The following B4GALT4 variants were observed in gnomAD, a reference collection of about 807,000 sequenced individuals.
B4GALT4 encodes the protein beta-1,4-galactosyltransferase 4.
In B4GALT4, 27 loss-of-function variants were observed where a neutral mutation model predicts 37.3. That is an observed-to-expected ratio of 0.72 (90% CI 0.53 to 1.00). The LOEUF is 1.00. Ranked by LOEUF, B4GALT4 falls within the 50% of genes least tolerant of loss-of-function variation. The pLI is 0.00. For synonymous variants in B4GALT4, 148 were observed against 154.1 expected (o/e 0.96, Z 0.29); for missense variants, 372 against 413.1 (o/e 0.90, Z 0.86).
At chr3:119,228,553 C>A (rs1289155259) in intron 3 of B4GALT4, among the ~76,000 whole-genome samples, 1 of 152,222 alleles carries the variant, frequency 6.6e-6, no homozygotes, top group Non-Finnish European at 1.5e-5. Context: ...TTCCCTGACT[C>A]ATTTTTACAT....
intron 4 of B4GALT4, among the ~76,000 whole-genome samples, chr3:119,225,551 C>T (rs944985345): frequency 6.9e-6 from 1 of 144,532 alleles, no homozygotes; most frequent in African/African-American, 2.6e-5. Flanking sequence ...CATGTGCCAC[C>T]ACACCCAACT....
intron 3 of B4GALT4, among the ~76,000 whole-genome samples, chr3:119,229,170 T>C (rs907084514): frequency 6.6e-6 from 1 of 152,216 alleles, no homozygotes; most frequent in Non-Finnish European, 1.5e-5. Context: ...GAGGCTTGAA[T>C]GTGCTTGCAT....
chr3:119,219,584 G>A (rs867397346), intron 5 of B4GALT4, among the ~76,000 whole-genome samples: 2 of 152,338 alleles, frequency 1.3e-5, no homozygotes, highest in Middle Eastern at 3.4e-3. Context: ...GTACCTGAAG[G>A]CATAGGTCGA....
chr3:119,212,468 G>A lies in B4GALT4; in HGVS notation c.*81C>T. 1.4e-6 allele frequency: 2 copies of A among 1,383,456 alleles called. No homozygotes were observed. The highest frequency in any genetic ancestry group is 2.0e-6 in the Non-Finnish European group (2 of 1,014,342). 85.7% of individuals were successfully genotyped at this position (1,383,456 alleles called of 1,614,324 possible). The stretch of plus-strand genomic sequence containing the variant: ...ATGAGCTGTAACAGGTTCTTAATGT[G>A]TGCTACTATTTGAAGTCTCTAGGCC... On this transcript the variant is annotated 3_prime_UTR_variant, in exon 8 of 8. Transcript: ENST00000393765.
chr3:119,240,785 C>T (rs922557236), intron 1 of B4GALT4, 65 bp downstream of exon 1: 1 of 152,336 alleles, frequency 6.6e-6, no homozygotes, highest in Non-Finnish European at 1.5e-5. Context: ...GCCCGGCTAC[C>T]CTCGCACGGC....
At chr3:119,224,712 G>A (rs1238547020) in intron 4 of B4GALT4, among the ~76,000 whole-genome samples, 1 of 152,082 alleles carries the variant, frequency 6.6e-6, no homozygotes, top group Non-Finnish European at 1.5e-5. Context: ...TACATCGTGT[G>A]TTTCACAATT....
intron 5 of B4GALT4, among the ~76,000 whole-genome samples, chr3:119,220,910 C>T (rs887758063): frequency 6.6e-6 from 1 of 151,120 alleles, no homozygotes; most frequent in African/African-American, 2.4e-5. Flanking sequence ...CCCTTGAACC[C>T]GGGAGGTGGA....
intron 7 of B4GALT4, chr3:119,214,279 T>C (rs2078234524): frequency 6.6e-6 from 1 of 152,162 alleles, no homozygotes; most frequent in Non-Finnish European, 1.5e-5. Context: ...AGCACTTTAA[T>C]ATTGTTTTAA....
Position 119,218,754 on chromosome 3 carries a change from A to C in B4GALT4, c.693T>G (p.Tyr231Ter). 1 of 1,614,116 alleles carries C rather than the reference A, an allele frequency of 6.2e-7. No homozygotes were observed. Among genetic ancestry groups the C allele is most frequent in the Non-Finnish European group, 8.5e-7 (1 of 1,179,996 alleles). The change falls in exon 6 of 8, where the codon TAT (tyrosine) becomes TAG (stop). Residue 231 changes from tyrosine to a stop codon, truncating the protein, a stop_gained. Coordinates refer to ENST00000393765, the MANE Select transcript of B4GALT4 (RefSeq NM_003778.4). LOFTEE classifies it high-confidence loss of function. ...STGYRLRYSG[Y>*]FGGVTALSRE... The stretch of plus-strand genomic sequence containing the variant: ...TGCTTAGGGCAGTAACACCCCCAAA[A>C]TATCCACTGTAACGTAACCTGGAGC...
intron 7 of B4GALT4, chr3:119,214,372 G>A (rs1400672163): frequency 6.6e-6 from 1 of 152,170 alleles, no homozygotes; most frequent in African/African-American, 2.4e-5. Flanking sequence ...AAGAAATACA[G>A]ATTCTTCAAT....
At chr3:119,231,607 A>G (rs1212019101) in intron 2 of B4GALT4, among the ~76,000 whole-genome samples, 2 of 151,780 alleles carry the variant, frequency 1.3e-5, no homozygotes, top group East Asian at 3.9e-4. Flanking sequence ...AATATATACA[A>G]TTAAGGAAAG....
chr3:119,231,813 T>A (rs1394472758), intron 2 of B4GALT4, among the ~76,000 whole-genome samples: 1 of 146,934 alleles, frequency 6.8e-6, no homozygotes, highest in African/African-American at 2.5e-5. Context: ...AAATAATATA[T>A]TTTATATTTT....
chr3:119,220,273 G>C (rs1377851012), intron 5 of B4GALT4, among the ~76,000 whole-genome samples: 2 of 152,252 alleles, frequency 1.3e-5, no homozygotes, highest in Non-Finnish European at 2.9e-5. Flanking sequence ...GCATTTTATA[G>C]AGGGGAGGGA....
chr3:119,230,100 G>A lies in B4GALT4; in HGVS notation c.-1C>T. The A allele has an allele frequency of 6.2e-7, 1 of 1,613,960 alleles. No homozygotes were observed. The highest frequency in any genetic ancestry group is 1.1e-5 in the South Asian group (1 of 91,050). On this transcript the variant is annotated 5_prime_UTR_variant, in exon 3 of 8. Transcript: ENST00000393765. Reference sequence around the variant, plus strand: ...GGTGGAAAGTCAGGTTGAAGCCCATGTTTTTTATTACGTGAATAATATCTA... The same window carrying A: ...GGTGGAAAGTCAGGTTGAAGCCCATATTTTTTATTACGTGAATAATATCTA...
chr3:119,229,577 TC>T (rs2107520638), intron 3 of B4GALT4, among the ~76,000 whole-genome samples: 1 of 152,298 alleles, frequency 6.6e-6, no homozygotes, highest in African/African-American at 2.4e-5. Flanking sequence ...ACATGGGAGT[TC>T]CTATGGTTCC....
At chr3:119,237,768 T>C (rs992932687) in intron 1 of B4GALT4, among the ~76,000 whole-genome samples, 7 of 152,294 alleles carry the variant, frequency 4.6e-5, no homozygotes, top group African/African-American at 1.7e-4. Context: ...TCTAAGAAAA[T>C]AATCAGAGAG....
chr3:119,222,776 A>G (rs2078487013), intron 5 of B4GALT4, among the ~76,000 whole-genome samples: 1 of 152,178 alleles, frequency 6.6e-6, no homozygotes, highest in African/African-American at 2.4e-5. Context: ...AGATTAAGGT[A>G]CCACCTTACC....
intron 2 of B4GALT4, among the ~76,000 whole-genome samples, chr3:119,232,726 T>C (rs2078861100): frequency 6.6e-6 from 1 of 152,234 alleles, no homozygotes; most frequent in South Asian, 2.1e-4. Context: ...GTAGGAGGCT[T>C]AAATGCTAGG....
chr3:119,213,152 G>C (rs942697813), intron 7 of B4GALT4: 1 of 152,340 alleles, frequency 6.6e-6, no homozygotes, highest in Non-Finnish European at 1.5e-5. Flanking sequence ...TGAGGAAGTC[G>C]GGTGAGGTGT....
Sources: gnomAD v4.1 joint callset for allele counts (sites outside exome capture counted in the v4.1 genomes callset) on GRCh38, gnomAD v4.1.1 for gene constraint, MANE v1.5 for transcripts, NCBI Gene and HGNC (gene_info 2026-07-23, HGNC 2026-07-21) for gene names.